ACAA2: variants seen among roughly 807,000 people sequenced by gnomAD.
ACAA2 encodes 3-ketoacyl-CoA thiolase, mitochondrial.
In ACAA2, 35 loss-of-function variants were observed where a neutral mutation model predicts 44.8. That is an observed-to-expected ratio of 0.78 (90% CI 0.60 to 1.04). The LOEUF is 1.04. Among genes scored for constraint, ACAA2 ranks in the 50% least tolerant of loss-of-function variants. The pLI is 0.00. For missense variants in ACAA2, 468 were observed against 482.6 expected (o/e 0.97, Z 0.28); for synonymous variants, 142 against 166.5 (o/e 0.85, Z 1.13).
intron 2 of ACAA2, among the ~76,000 whole-genome samples, chr18:49,798,257 GGGA>G (rs2023487698): frequency 6.6e-6 from 1 of 152,176 alleles, no homozygotes; most frequent in Non-Finnish European, 1.5e-5. Context: ...TGCATACTTA[GGGA>G]GAAGACAGAT....
intron 1 of ACAA2, 71 bp from the exon 2 acceptor site, chr18:49,802,924 C>T: frequency 1.3e-6 from 2 of 1,510,796 alleles, no homozygotes; most frequent in Non-Finnish European, 1.8e-6. Flanking sequence ...CGAATAATCT[C>T]ACTGTGAAAC....
chr18:49,785,065 T>C, intron 9 of ACAA2, 132 bp downstream of exon 9: 1 of 1,108,716 alleles, frequency 9.0e-7, no homozygotes, highest in Non-Finnish European at 1.3e-6. Context: ...CCCAAGTAAC[T>C]TGTTCCTGGT....
intron 2 of ACAA2, among the ~76,000 whole-genome samples, chr18:49,799,245 CG>C (rs1434467153): frequency 1.3e-5 from 2 of 152,058 alleles, no homozygotes; most frequent in African/African-American, 4.8e-5. Flanking sequence ...CCTCTCCCCA[CG>C]GTCTCCCTCT....
intron 1 of ACAA2, among the ~76,000 whole-genome samples, chr18:49,803,276 A>AATAATC: frequency 6.7e-6 from 1 of 149,234 alleles, no homozygotes; most frequent in Non-Finnish European, 1.5e-5. Flanking sequence ...TAATAATAAT[A>AATAATC]ATAATATCAA....
chr18:49,813,381 G>A (rs2023694113), intron 1 of ACAA2, 88 bp downstream of exon 1: 1 of 1,077,956 alleles, frequency 9.3e-7, no homozygotes. Context: ...CCACGACCCC[G>A]ACTCTCCGCG....
At position 49,792,259 on chromosome 18, in the gene ACAA2, T is replaced by C. The variant is rs777434734; in HGVS notation, c.646A>G (p.Thr216Ala). 4.3e-6 allele frequency: 7 copies of C among 1,614,064 alleles called. No individual in the cohort carries two copies. In the Admixed American group the frequency reaches 8.3e-5, roughly 19 times the overall value. Residue 216 changes from threonine to alanine, a missense_variant, in exon 6 of 10, where the codon ACA (threonine) becomes GCA (alanine). Coordinates refer to ENST00000285093, the MANE Select transcript of ACAA2 (RefSeq NM_006111.3). ...IEVKTKKGKQ[T>A]MQVDEHARPQ... ...CGAGCATGCTCGTCTACCTGCATTG[T>C]CTGTTTTCCTTTCTTTGTCTTCACT...
intron 2 of ACAA2, among the ~76,000 whole-genome samples, chr18:49,801,443 ATT>A (rs1210305406): frequency 2.6e-5 from 4 of 152,220 alleles, no homozygotes; most frequent in Admixed American, 2.6e-4. Flanking sequence ...GAAGTATCCA[ATT>A]TCTATTCAAT....
chr18:49,789,721 C>G (rs538504423), intron 7 of ACAA2, among the ~76,000 whole-genome samples: 1 of 149,976 alleles, frequency 6.7e-6, no homozygotes, highest in Non-Finnish European at 1.5e-5. Context: ...TGGTGGCTCA[C>G]GCCTGTAATC....
At chr18:49,801,785 C>CATATATATATATATAT (rs55864039) in intron 2 of ACAA2, among the ~76,000 whole-genome samples, 2,706 of 111,700 alleles carry the variant, frequency 0.024, 74 homozygotes, top group East Asian at 0.034. Context: ...AGAAACTGAT[C>CATATATATATATATAT]ATATATATAT....
Position 49,797,480 on chromosome 18 carries a change from C to A in ACAA2, c.298G>T (p.Val100Leu). 6.2e-7 allele frequency: 1 copy of A among 1,609,908 alleles called. No individual in the cohort carries two copies. The highest frequency in any genetic ancestry group is 8.5e-7 in the Non-Finnish European group (1 of 1,179,212). ...GTTGTCCATACCTGACATCCATTCA[C>A]AATGGACTGAAAACCAGAACCACAG... ...RLCGSGFQSI[V>L]NGCQEICVKE... Residue 100 changes from valine (V) to leucine (L), a missense_variant, in exon 3 of 10, where the codon GTG becomes TTG. Coordinates refer to ENST00000285093, the MANE Select transcript of ACAA2 (RefSeq NM_006111.3).
chr18:49,797,599 AAG>A lies in ACAA2; in HGVS notation c.184-7_184-6del, dbSNP rs1195216126. 2 of 1,584,674 alleles carry A rather than the reference AAG, an allele frequency of 1.3e-6. No homozygotes were observed. Among genetic ancestry groups the A allele is most frequent in the Non-Finnish European group, 8.5e-7 (1 of 1,171,048 alleles). The stretch of plus-strand genomic sequence containing the variant: ...ATATATAGCATCTGAAGAACTCTAG[AAG>A]AGAGAAGGAAAAGAAAAATAATTTT... On this transcript the variant is annotated splice_region_variant and splice_polypyrimidine_tract_variant and intron_variant, in intron 2 of 9. Transcript: ENST00000285093.
chr18:49,799,998 G>T (rs1352167821), intron 2 of ACAA2, among the ~76,000 whole-genome samples: 3 of 151,484 alleles, frequency 2.0e-5, no homozygotes, highest in Non-Finnish European at 4.4e-5. Flanking sequence ...CATCTGAGAA[G>T]TGAGGAGCCC....
chr18:49,791,684 A>C, intron 6 of ACAA2, 85 bp from the exon 7 acceptor site: 1 of 1,402,160 alleles, frequency 7.1e-7, no homozygotes, highest in Non-Finnish European at 9.9e-7. Context: ...TAGTATTAGG[A>C]ATATGGCAGT....
At chr18:49,794,637 T>C (rs2023444458) in intron 4 of ACAA2, among the ~76,000 whole-genome samples, 1 of 152,174 alleles carries the variant, frequency 6.6e-6, no homozygotes, top group Non-Finnish European at 1.5e-5. Flanking sequence ...AATGCACACA[T>C]TCTCTGTCCC....
At chr18:49,790,707 T>A (rs148784594) in intron 7 of ACAA2, among the ~76,000 whole-genome samples, 22 of 152,312 alleles carry the variant, frequency 1.4e-4, no homozygotes, top group African/African-American at 5.1e-4. Context: ...TAGGAGTGCA[T>A]CCAGCAAAAA....
intron 5 of ACAA2, 125 bp from the exon 6 acceptor site, chr18:49,792,452 T>C: frequency 1.1e-6 from 1 of 927,610 alleles, no homozygotes; most frequent in Non-Finnish European, 1.6e-6. Flanking sequence ...ATTGAGTCTT[T>C]ATTAATTTTT....
chr18:49,795,382 A>G (rs896736519), intron 4 of ACAA2, among the ~76,000 whole-genome samples: 1 of 152,202 alleles, frequency 6.6e-6, no homozygotes, highest in South Asian at 2.1e-4. Context: ...TAAAACTTCT[A>G]TAAGTCACGT....
intron 7 of ACAA2, among the ~76,000 whole-genome samples, 183 bp from the exon 8 acceptor site, chr18:49,787,544 C>A (rs2023347867): frequency 6.6e-6 from 1 of 151,834 alleles, no homozygotes; most frequent in African/African-American, 2.4e-5. Context: ...AGAAAAAGGG[C>A]CCAGGCATGG....
At chr18:49,785,106 T>G in intron 9 of ACAA2, 91 bp downstream of exon 9, 1 of 1,454,744 alleles carries the variant, frequency 6.9e-7, no homozygotes, top group Non-Finnish European at 9.3e-7. Flanking sequence ...TGAAGAAGAA[T>G]GAAAAATGTT....
Sources: gnomAD v4.1 joint callset for allele counts (sites outside exome capture counted in the v4.1 genomes callset) on GRCh38, gnomAD v4.1.1 for gene constraint, MANE v1.5 for transcripts, NCBI Gene and HGNC (gene_info 2026-07-23, HGNC 2026-07-21) for gene names.